Variants in RBM39 observed in about 807,000 individuals in gnomAD.
RBM39 encodes RNA binding motif protein 39, also known as RNA-binding protein 39.
RBM39 carries 12 observed loss-of-function variants against 79.6 expected under a neutral mutation model. That is an observed-to-expected ratio of 0.15 (90% CI 0.10 to 0.24). The LOEUF (loss-of-function observed/expected upper bound fraction) is 0.24. Among genes scored for constraint, RBM39 ranks in the 10% least tolerant of loss-of-function variants. The probability of loss-of-function intolerance (pLI) is 1.00; values close to 1 mark genes in which losing one functional copy is unlikely to be tolerated. For missense variants in RBM39, 243 were observed against 653.4 expected (o/e 0.37, Z 6.85); for synonymous variants, 185 against 208.4 (o/e 0.89, Z 0.97).
At chr20:35,723,129 GTTGT>G (rs976507177) in intron 8 of RBM39, among the ~76,000 whole-genome samples, 1 of 151,598 alleles carries the variant, frequency 6.6e-6, no homozygotes, top group Non-Finnish European at 1.5e-5. Context: ...ACCGAACGTA[GTTGT>G]TTGTGATAAA....
intron 3 of RBM39, among the ~76,000 whole-genome samples, chr20:35,738,527 G>C (rs928102270): frequency 2.0e-5 from 3 of 152,222 alleles, no homozygotes; most frequent in African/African-American, 7.2e-5. Context: ...TGAGCAGCAA[G>C]TTGCAGAAAT....
chr20:35,720,299 G>C (rs1241117871), intron 9 of RBM39, among the ~76,000 whole-genome samples: 2 of 152,150 alleles, frequency 1.3e-5, no homozygotes, highest in African/African-American at 4.8e-5. Flanking sequence ...AAGCTGCTCT[G>C]AATTGAGCTC....
chr20:35,725,932 G>A (rs1403206002), intron 6 of RBM39, among the ~76,000 whole-genome samples: 1 of 150,008 alleles, frequency 6.7e-6, no homozygotes, highest in Non-Finnish European at 1.5e-5. Flanking sequence ...CCAAAGTGCT[G>A]GGATTACAGG....
At chr20:35,735,162 C>A in intron 3 of RBM39, 1 of 1,381,352 alleles carries the variant, frequency 7.2e-7, no homozygotes, top group South Asian at 1.8e-5. Flanking sequence ...CAATATATTT[C>A]AACTGTGTCA....
chr20:35,708,298 T>C (rs2035994002), intron 13 of RBM39, among the ~76,000 whole-genome samples: 1 of 152,034 alleles, frequency 6.6e-6, no homozygotes, highest in Non-Finnish European at 1.5e-5. Context: ...ACAGAAGATA[T>C]GGAAGTATCC....
At position 35,704,598 on chromosome 20, in the gene RBM39, A is replaced by G. The variant is rs2146466628; in HGVS notation, c.1493-17T>C. ...TCATTTTACCTATTAAAAGAAACAG[A>G]CATGTTGGGTTTAGCATCTTCATTA... On this transcript the variant is annotated splice_polypyrimidine_tract_variant and intron_variant, in intron 16 of 16. Transcript: ENST00000253363. 6.2e-7 allele frequency: 1 copy of G among 1,610,884 alleles called. No homozygotes were observed. The highest frequency in any genetic ancestry group is 2.2e-5 in the East Asian group (1 of 44,870).
rs368515113 is a variant in RBM39, at chr20:35,725,026, G to A, written c.534+12C>T. 6.3e-7 allele frequency: 1 copy of A among 1,576,694 alleles called. No individual in the cohort carries two copies. Among genetic ancestry groups the A allele is most frequent in the South Asian group, 1.1e-5 (1 of 88,644 alleles). ...TCTACCTACTTGACCTCCCTAAACAGGTTAAGATTACCTTTCCTACTGTAG... is the reference window on the plus strand; with the variant it reads ...TCTACCTACTTGACCTCCCTAAACAAGTTAAGATTACCTTTCCTACTGTAG... On this transcript the variant is annotated intron_variant, in intron 7 of 16. Transcript: ENST00000253363.
intron 12 of RBM39, among the ~76,000 whole-genome samples, chr20:35,711,868 A>C (rs534860314): frequency 6.6e-6 from 1 of 152,260 alleles, no homozygotes; most frequent in South Asian, 2.1e-4. Flanking sequence ...AGGACCAGCC[A>C]GGTGAGGGGG....
chr20:35,729,535 G>T lies in RBM39; in HGVS notation c.297-8C>A. Reference sequence around the variant, plus strand: ...TTAAATTTTGGTCCGGAGCTAAAAAGGAAACACAAAATTACACTAGTTACA... The same window carrying T: ...TTAAATTTTGGTCCGGAGCTAAAAATGAAACACAAAATTACACTAGTTACA... On this transcript the variant is annotated splice_region_variant and splice_polypyrimidine_tract_variant and intron_variant, in intron 4 of 16. Coordinates refer to ENST00000253363, the MANE Select transcript of RBM39 (RefSeq NM_184234.3). 1 of 1,613,478 alleles carries T rather than the reference G, an allele frequency of 6.2e-7. No individual in the cohort carries two copies. The highest frequency in any genetic ancestry group is 8.5e-7 in the Non-Finnish European group (1 of 1,179,720).
intron 11 of RBM39, 33 bp downstream of exon 11, chr20:35,714,152 A>C: frequency 1.9e-6 from 3 of 1,595,654 alleles, no homozygotes; most frequent in Non-Finnish European, 2.6e-6. Context: ...CAATACCCAC[A>C]GTAAATCATT....
At chr20:35,716,944 A>G in intron 9 of RBM39, 139 bp from the exon 10 acceptor site, 1 of 590,372 alleles carries the variant, frequency 1.7e-6, no homozygotes, top group Non-Finnish European at 3.0e-6. Flanking sequence ...CATCACCAAG[A>G]AGTCTTTTTT....
intron 6 of RBM39, among the ~76,000 whole-genome samples, chr20:35,726,830 CTT>C (rs900315397): frequency 2.0e-5 from 3 of 151,724 alleles, no homozygotes; most frequent in African/African-American, 7.2e-5. Flanking sequence ...GTCACAAAAG[CTT>C]TTTTTTCTTT....
intron 13 of RBM39, chr20:35,708,889 G>A (rs956789655): frequency 4.9e-6 from 1 of 204,790 alleles, no homozygotes; most frequent in Admixed American, 5.4e-5. Context: ...TTGCCTACTC[G>A]TTAATAAGAG....
intron 6 of RBM39, among the ~76,000 whole-genome samples, chr20:35,728,386 C>T (rs146391419): frequency 7.9e-5 from 12 of 152,190 alleles, no homozygotes; most frequent in East Asian, 7.7e-4. Flanking sequence ...TGTATCAAAA[C>T]GTAACTGTAT....
At chr20:35,739,975 T>C (rs770132374) in intron 2 of RBM39, 2 of 157,080 alleles carry the variant, frequency 1.3e-5, no homozygotes, top group African/African-American at 2.4e-5. Context: ...CACCACCAAC[T>C]GGTGAAACAA....
intron 1 of RBM39, chr20:35,741,714 G>A (rs2040560866): frequency 1.3e-5 from 2 of 152,382 alleles, no homozygotes; most frequent in South Asian, 2.0e-4. Flanking sequence ...AGGCCTCGAA[G>A]GAGACAGGTC....
chr20:35,734,279 C>T, intron 3 of RBM39: 2 of 1,265,040 alleles, frequency 1.6e-6, no homozygotes, highest in African/African-American at 1.5e-5. Flanking sequence ...AGATAATCCA[C>T]CTGACTGTCA....
At chr20:35,717,896 T>C (rs1186583741) in intron 9 of RBM39, among the ~76,000 whole-genome samples, 2 of 152,014 alleles carry the variant, frequency 1.3e-5, no homozygotes, top group Non-Finnish European at 2.9e-5. Flanking sequence ...TCTCGCTCTG[T>C]GGCGCAGGCT....
chr20:35,711,478 T>C (rs1039537632), intron 12 of RBM39, among the ~76,000 whole-genome samples: 5 of 152,192 alleles, frequency 3.3e-5, no homozygotes, highest in Admixed American at 2.6e-4. Flanking sequence ...AGGGATCAAA[T>C]GACTGTTAAA....
Sources: gnomAD v4.1 joint callset for allele counts (sites outside exome capture counted in the v4.1 genomes callset) on GRCh38, gnomAD v4.1.1 for gene constraint, MANE v1.5 for transcripts, NCBI Gene and HGNC (gene_info 2026-07-23, HGNC 2026-07-21) for gene names.